Variants in MMD2 observed in about 807,000 individuals in gnomAD.
MMD2 encodes the protein monocyte to macrophage differentiation factor 2.
In MMD2, 30 loss-of-function variants were observed where a neutral mutation model predicts 33.5. The observed-to-expected ratio is 0.90, with a 90% confidence interval of 0.67 to 1.22. The LOEUF is 1.22. MMD2 is among the 50% of genes most tolerant of loss of function. MMD2 has a pLI of 0.00. For missense variants in MMD2, 364 were observed against 325.4 expected (o/e 1.12, Z -0.91); for synonymous variants, 129 against 123.0 (o/e 1.05, Z -0.32).
At chr7:4,926,516 G>A (rs924466028) in intron 1 of MMD2, among the ~76,000 whole-genome samples, 4 of 152,004 alleles carry the variant, frequency 2.6e-5, no homozygotes, top group Non-Finnish European at 4.4e-5. Context: ...AAGAGCTACG[G>A]CTCACTCCTC....
chr7:4,944,442 T>C (rs1785994987), intron 1 of MMD2, among the ~76,000 whole-genome samples: 2 of 152,134 alleles, frequency 1.3e-5, no homozygotes, highest in Non-Finnish European at 2.9e-5. Context: ...AGGCATGACC[T>C]GGGCCAGCCC....
rs184821917 is a variant in MMD2, at chr7:4,923,578, G to A, written c.129+1873C>T. Among the ~76,000 whole-genome samples the A allele has an allele frequency of 1.5e-3, 221 of 151,194 alleles. 1 individual carries two copies. The highest frequency in any genetic ancestry group is 3.9e-4 in the East Asian group (2 of 5,082). On this transcript the variant is annotated intron_variant, in intron 2 of 6. Coordinates refer to ENST00000401401, the MANE Select transcript of MMD2 (RefSeq NM_198403.4). ...AGGCTCAGGGCCACTAAATGATGGAGCTGGGATTCAAAGGCAGGTCTTCTC... is the reference window on the plus strand; with the variant it reads ...AGGCTCAGGGCCACTAAATGATGGAACTGGGATTCAAAGGCAGGTCTTCTC...
downstream of MMD2, among the ~76,000 whole-genome samples, chr7:4,904,422 G>A (rs1179169619): frequency 6.6e-6 from 1 of 152,210 alleles, no homozygotes; most frequent in Non-Finnish European, 1.5e-5. Context: ...AATGATGCTG[G>A]GGAAGAGAAA....
At chr7:4,957,418 G>A (rs1033526292) in intron 1 of MMD2, among the ~76,000 whole-genome samples, 2 of 151,954 alleles carry the variant, frequency 1.3e-5, no homozygotes, top group African/African-American at 4.8e-5. Flanking sequence ...GGAGGCCGAG[G>A]CGGGGGGATC....
At chr7:4,904,042 C>A (rs1245886167), downstream of MMD2, among the ~76,000 whole-genome samples, 1 of 152,120 alleles carries the variant, frequency 6.6e-6, no homozygotes, top group Non-Finnish European at 1.5e-5. Context: ...AAGCGATTCT[C>A]CTGCCTCAGC....
intron 1 of MMD2, among the ~76,000 whole-genome samples, chr7:4,928,634 T>A (rs1437721014): frequency 6.6e-6 from 1 of 150,746 alleles, no homozygotes; most frequent in Non-Finnish European, 1.5e-5. Context: ...GCTGGCTCCA[T>A]GGTAAGTGCA....
intron 4 of MMD2, among the ~76,000 whole-genome samples, chr7:4,913,183 A>G (rs977763365): frequency 2.0e-5 from 3 of 152,220 alleles, no homozygotes; most frequent in South Asian, 2.1e-4. Flanking sequence ...TATCCTTCCA[A>G]GTAGACCTAA....
At chr7:4,958,743 C>T (rs527539999) in intron 1 of MMD2, among the ~76,000 whole-genome samples, 1 of 152,336 alleles carries the variant, frequency 6.6e-6, no homozygotes, top group African/African-American at 2.4e-5. Context: ...AGAAGTGAAG[C>T]GACTTGCCCA....
intron 3 of MMD2, among the ~76,000 whole-genome samples, chr7:4,919,246 C>G (rs1785215030): frequency 2.6e-5 from 4 of 152,162 alleles, no homozygotes; most frequent in Non-Finnish European, 5.9e-5. Context: ...CTGCAGCCAG[C>G]AAGGGCTTTT....
chr7:4,925,266 CCAGCA>C (rs1785393396), intron 2 of MMD2, among the ~76,000 whole-genome samples, 180 bp downstream of exon 2: 1 of 152,062 alleles, frequency 6.6e-6, no homozygotes, highest in Non-Finnish European at 1.5e-5. Context: ...AGAGACATGG[CCAGCA>C]CTGCAGTCCA....
rs143795043 is a variant in MMD2, at chr7:4,908,694, C to T, written c.538-1095G>A. 3.7e-3 allele frequency among the ~76,000 whole-genome samples: 567 copies of T among 151,476 alleles called. 4 individuals carry two copies. Among genetic ancestry groups the T allele is most frequent in the East Asian group, 0.024 (122 of 5,032 alleles). ...AGGGCGGATCACGAGGTCAGGAGTT[C>T]GAGACCAGCCTGGCCAACATAGTGA... is the stretch of plus-strand genomic sequence containing the variant. On this transcript the variant is annotated intron_variant, in intron 6 of 6. Transcript: ENST00000401401.
Position 4,906,305 on chromosome 7 carries a change from G to T in MMD2, c.*1091C>A. On this transcript the variant is annotated 3_prime_UTR_variant, in exon 7 of 7. Coordinates refer to ENST00000401401, the MANE Select transcript of MMD2 (RefSeq NM_198403.4). ...TGAAGAACAGGCCCCCAGCAGCCTT[G>T]TTGTTGGGCTACTGAGCACTTCAGA... is the stretch of plus-strand genomic sequence containing the variant. 1 of 393,804 alleles carries T rather than the reference G, an allele frequency of 2.5e-6. No homozygotes were observed. The allele number at this position is 393,804 out of a possible 1,614,324, so 24.4% of individuals were successfully genotyped here.
chr7:4,913,290 C>T (rs1785060715), intron 4 of MMD2, among the ~76,000 whole-genome samples: 1 of 152,144 alleles, frequency 6.6e-6, no homozygotes. Context: ...AAAAGTATTA[C>T]ATTTAATTTT....
chr7:4,899,175 T>C, the MMD2 span, among the ~76,000 whole-genome samples: 2 of 152,118 alleles, frequency 1.3e-5, no homozygotes, highest in Non-Finnish European at 2.9e-5. Context: ...CACCAGACAC[T>C]GAACTTGCCA....
At chr7:4,924,732 C>A (rs1785377687) in intron 2 of MMD2, among the ~76,000 whole-genome samples, 1 of 152,080 alleles carries the variant, frequency 6.6e-6, no homozygotes, top group African/African-American at 2.4e-5. Flanking sequence ...GGAGTGGAGA[C>A]AAGAAATATT....
chr7:4,920,238 C>G lies in MMD2; in HGVS notation c.223G>C (p.Gly75Arg), dbSNP rs765911306. 1 of 1,593,554 alleles carries G rather than the reference C, an allele frequency of 6.3e-7. No individual in the cohort carries two copies. Among genetic ancestry groups the G allele is most frequent in the Admixed American group, 1.8e-5 (1 of 56,392 alleles). Residue 75 changes from glycine to arginine, a missense_variant, in exon 3 of 7, where the codon GGC becomes CGC. By Grantham distance (125) the Gly-to-Arg change is moderately radical (BLOSUM62 -2). Transcript: ENST00000401401. The stretch of plus-strand genomic sequence containing the variant: ...GACACCACGAAGAGGCCGCAGAGGC[C>G]GAGGCCGTAGATCCAGGCAGAGATG... ...ETISAWIYGL[G>R]LCGLFVVSTV...
intron 1 of MMD2, among the ~76,000 whole-genome samples, chr7:4,944,117 A>G (rs1412672662): frequency 6.6e-6 from 1 of 151,316 alleles, no homozygotes; most frequent in Admixed American, 6.6e-5. Flanking sequence ...TCTACAAAAA[A>G]TGTAAAAATT....
chr7:4,907,389 G>T lies in MMD2; in HGVS notation c.*7C>A. Reference sequence around the variant, plus strand: ...AAGCCCAAACGACCTCTCAAGTCTGGGTCACCTCATTTGGACACCTTGGTC... The same window carrying T: ...AAGCCCAAACGACCTCTCAAGTCTGTGTCACCTCATTTGGACACCTTGGTC... On this transcript the variant is annotated 3_prime_UTR_variant, in exon 7 of 7. Transcript: ENST00000401401. 6.2e-7 allele frequency: 1 copy of T among 1,613,402 alleles called. No homozygotes were observed. The highest frequency in any genetic ancestry group is 8.5e-7 in the Non-Finnish European group (1 of 1,179,850).
intron 6 of MMD2, 69 bp downstream of exon 6, chr7:4,909,812 A>T (rs1457394838): frequency 6.4e-7 from 1 of 1,552,106 alleles, no homozygotes; most frequent in Non-Finnish European, 8.7e-7. Flanking sequence ...CAATCTCAAC[A>T]GCCAGGTCCA....
Sources: allele counts gnomAD v4.1 joint callset (sites outside exome capture counted in the v4.1 genomes callset), GRCh38; gene constraint gnomAD v4.1.1; transcripts MANE v1.5; gene names NCBI Gene and HGNC (gene_info 2026-07-23, HGNC 2026-07-21).